Variants in FTO observed in about 807,000 individuals in gnomAD.
FTO encodes the protein alpha-ketoglutarate-dependent dioxygenase FTO.
In FTO, 47 loss-of-function variants were observed where a neutral mutation model predicts 63.9. The ratio of observed to expected loss-of-function variants is 0.74; its 90% CI spans 0.58 to 0.94. The LOEUF is 0.94. Ranked by LOEUF, FTO falls within the 40% of genes least tolerant of loss-of-function variation. The pLI is 0.00. For synonymous variants in FTO, 207 were observed against 224.4 expected, an observed-to-expected ratio of 0.92 and a Z score of 0.69; for missense variants, 562 against 618.1, an observed-to-expected ratio of 0.91 and a Z score of 0.96.
intron 1 of FTO, among the ~76,000 whole-genome samples, chr16:53,752,279 G>A (rs2076816091): frequency 1.3e-5 from 2 of 152,092 alleles, no homozygotes; most frequent in Non-Finnish European, 2.9e-5. Flanking sequence ...TACCTCTTTG[G>A]GAGGCAAAGA....
chr16:53,750,137 A>T (rs1351830046), intron 1 of FTO, among the ~76,000 whole-genome samples: 1 of 152,240 alleles, frequency 6.6e-6, no homozygotes, highest in Non-Finnish European at 1.5e-5. Flanking sequence ...TGGCATGTTT[A>T]ATTGGTAAGA....
chr16:53,805,145 G>T (rs1361366059), intron 1 of FTO, among the ~76,000 whole-genome samples: 1 of 152,168 alleles, frequency 6.6e-6, no homozygotes, highest in African/African-American at 2.4e-5. Context: ...GAAGTATTAT[G>T]TGGAAAATGA....
intron 4 of FTO, among the ~76,000 whole-genome samples, chr16:53,872,111 A>G (rs564694855): frequency 1.3e-5 from 2 of 152,144 alleles, no homozygotes; most frequent in Non-Finnish European, 2.9e-5. Context: ...ATTTAGCCCT[A>G]CTTCTGCAGT....
chr16:53,968,499 C>A (rs1175819085), intron 8 of FTO, among the ~76,000 whole-genome samples: 2 of 152,198 alleles, frequency 1.3e-5, no homozygotes, highest in African/African-American at 4.8e-5. Context: ...AATCAGCAGG[C>A]CAAGTCTAGG....
intron 8 of FTO, among the ~76,000 whole-genome samples, chr16:53,947,730 A>C (rs1370104977): frequency 6.6e-6 from 1 of 152,240 alleles, no homozygotes; most frequent in Non-Finnish European, 1.5e-5. Flanking sequence ...TTTACATTTC[A>C]GCCCTCGGGG....
chr16:54,012,498 T>C lies in FTO; in HGVS notation c.1364+78389T>C, dbSNP rs137935569. 7.2e-5 allele frequency among the ~76,000 whole-genome samples: 11 copies of C among 152,336 alleles called. No homozygotes were observed. The East Asian group carries it at 1.4e-3, about 19-fold the overall frequency. ...GATCTAGCTAAGGTCATTGATGAAA[T>C]GGTTGCACCAAACAGCAGATTTTCA... On this transcript the variant is annotated intron_variant, in intron 8 of 8. Transcript: ENST00000471389.
intron 7 of FTO, among the ~76,000 whole-genome samples, chr16:53,930,851 T>G (rs1459644831): frequency 6.6e-6 from 1 of 152,222 alleles, no homozygotes; most frequent in Non-Finnish European, 1.5e-5. Flanking sequence ...ATTTCTTAGT[T>G]TATCCATTTT....
At chr16:54,072,092 C>T (rs1453900117) in intron 8 of FTO, 2 of 152,192 alleles carry the variant, frequency 1.3e-5, no homozygotes, top group Non-Finnish European at 2.9e-5. Context: ...AATGGGCTGA[C>T]CCCAGGGCCA....
At chr16:53,892,734 CT>C (rs1598925033) in intron 7 of FTO, among the ~76,000 whole-genome samples, 2 of 152,168 alleles carry the variant, frequency 1.3e-5, no homozygotes, top group East Asian at 1.9e-4. Flanking sequence ...TCCCCTTTTG[CT>C]TATGAGTAAA....
At chr16:54,016,216 T>C in intron 8 of FTO, among the ~76,000 whole-genome samples, 1 of 151,510 alleles carries the variant, frequency 6.6e-6, no homozygotes, top group Non-Finnish European at 1.5e-5. Context: ...TTCACCATTA[T>C]GCTAAAAATA....
intron 7 of FTO, among the ~76,000 whole-genome samples, chr16:53,910,251 G>A (rs899487694): frequency 6.6e-6 from 1 of 152,128 alleles, no homozygotes; most frequent in Non-Finnish European, 1.5e-5. Context: ...AACAAGTAGA[G>A]GGGGGAGAAT....
chr16:53,975,505 A>G (rs1348276577), intron 8 of FTO, among the ~76,000 whole-genome samples: 1 of 152,006 alleles, frequency 6.6e-6, no homozygotes, highest in East Asian at 1.9e-4. Flanking sequence ...CATATCTCAC[A>G]TTTTACTTGG....
At chr16:53,928,643 G>A (rs961533479) in intron 7 of FTO, among the ~76,000 whole-genome samples, 8 of 151,834 alleles carry the variant, frequency 5.3e-5, no homozygotes, top group African/African-American at 1.5e-4. Flanking sequence ...TGTTTTTGTC[G>A]TTAAGTTATA....
chr16:53,846,142 T>C (rs1421518346), intron 4 of FTO, among the ~76,000 whole-genome samples: 1 of 152,168 alleles, frequency 6.6e-6, no homozygotes, highest in Non-Finnish European at 1.5e-5. Context: ...TCTTATGCAG[T>C]GCTTTTCCTA....
At chr16:53,778,743 C>T (rs991912343) in intron 1 of FTO, among the ~76,000 whole-genome samples, 3 of 151,960 alleles carry the variant, frequency 2.0e-5, no homozygotes, top group African/African-American at 7.3e-5. Flanking sequence ...TGCTGTTAGC[C>T]CAGGGTCGGA....
chr16:54,111,964 CTCCAACG>C lies in FTO; in HGVS notation c.*51_*57del. On this transcript the variant is annotated 3_prime_UTR_variant, in exon 9 of 9. Transcript: ENST00000471389. ...GGAGAAAAAGAGATCGGCTTTTCTC[CTCCAACG>C]TTGTCATGGGCTTAAGCAAGAGCAG... 2 of 1,607,174 alleles carry C rather than the reference CTCCAACG, an allele frequency of 1.2e-6. No individual in the cohort carries two copies. Among genetic ancestry groups the C allele is most frequent in the Admixed American group, 1.7e-5 (1 of 60,004 alleles).
intron 2 of FTO, among the ~76,000 whole-genome samples, chr16:53,821,960 GA>G (rs1749060120): frequency 1.3e-5 from 2 of 152,216 alleles, no homozygotes; most frequent in African/African-American, 4.8e-5. Context: ...TGCTGTGGCA[GA>G]GGGGTGCAGA....
At chr16:53,936,854 C>T (rs961747910) in intron 8 of FTO, among the ~76,000 whole-genome samples, 3 of 152,200 alleles carry the variant, frequency 2.0e-5, no homozygotes, top group Non-Finnish European at 2.9e-5. Flanking sequence ...AACGGAGCCG[C>T]CGCAGCTGGC....
chr16:53,892,081 G>A (rs1276146338), intron 7 of FTO, among the ~76,000 whole-genome samples: 1 of 152,134 alleles, frequency 6.6e-6, no homozygotes, highest in Non-Finnish European at 1.5e-5. Flanking sequence ...CAAATTCATA[G>A]TGATTTCTTT....
Sources: gnomAD v4.1 joint callset for allele counts (sites outside exome capture counted in the v4.1 genomes callset) on GRCh38, gnomAD v4.1.1 for gene constraint, MANE v1.5 for transcripts, NCBI Gene and HGNC (gene_info 2026-07-23, HGNC 2026-07-21) for gene names.